The following FAXC variants were observed in gnomAD, a reference collection of about 807,000 sequenced individuals.
FAXC encodes failed axon connections homolog, metaxin like GST domain containing.
A neutral mutation model predicts 41.9 loss-of-function variants in FAXC; 10 were observed. The observed-to-expected ratio is 0.24, with a 90% CI of 0.15 to 0.41. FAXC has a LOEUF of 0.41. FAXC is among the 10% of genes least tolerant of loss of function. FAXC has a pLI of 1.00. For synonymous variants in FAXC, 183 were observed against 183.8 expected, an observed-to-expected ratio of 1.00 and a Z score of 0.03; for missense variants, 399 against 510.9, an observed-to-expected ratio of 0.78 and a Z score of 2.11.
intron 3 of FAXC, among the ~76,000 whole-genome samples, chr6:99,326,710 G>A (rs1772816706): frequency 6.6e-6 from 1 of 152,192 alleles, no homozygotes; most frequent in African/African-American, 2.4e-5. Context: ...AGATGTGAAG[G>A]CCAGGCTGAA....
At chr6:99,286,276 G>A (rs935303744) in intron 5 of FAXC, among the ~76,000 whole-genome samples, 5 of 152,082 alleles carry the variant, frequency 3.3e-5, no homozygotes, top group Non-Finnish European at 2.9e-5. Context: ...TTGTCTCCTC[G>A]AAGCTAAAAA....
intron 4 of FAXC, among the ~76,000 whole-genome samples, chr6:99,313,673 G>A (rs1450822268): frequency 1.3e-5 from 2 of 152,184 alleles, no homozygotes; most frequent in East Asian, 1.9e-4. Context: ...CACCTTTATG[G>A]TTTTATGTTT....
In FAXC at chr6:99,279,488, A is replaced by G. The variant is rs1770748113; in HGVS notation, c.*1676T>C. On this transcript the variant is annotated 3_prime_UTR_variant, in exon 6 of 6. Transcript: ENST00000389677. Reference sequence around the variant, plus strand: ...GTTTTTTTTTTTTCAAGTAAAGTGCATGGATTTCTCAGAAGTTGCTGTATT... The same window carrying G: ...GTTTTTTTTTTTTCAAGTAAAGTGCGTGGATTTCTCAGAAGTTGCTGTATT... The G allele has an allele frequency of 1.3e-5, 2 of 151,308 alleles. No homozygotes were observed. Among genetic ancestry groups the G allele is most frequent in the African/African-American group, 4.9e-5 (2 of 41,144 alleles). 9.4% of individuals were successfully genotyped at this position (151,308 alleles called of 1,614,324 possible). A position where few individuals can be genotyped will look rare whatever the true frequency, so the allele number is the denominator to read the frequency against.
rs1181275030 is a variant in FAXC at position 99,291,831 on chromosome 6, TAAAGC to T, written c.824-16_824-12del. 1 of 1,602,490 alleles carries T rather than the reference TAAAGC, an allele frequency of 6.2e-7. No individual in the cohort carries two copies. ...TGTACTTCTTATCACCTGCAGTAAATAAAGCAGAGAAGTCAATGGGCTGGCCCACA... is the reference window on the plus strand; with the variant it reads ...TGTACTTCTTATCACCTGCAGTAAATAGAGAAGTCAATGGGCTGGCCCACA... On this transcript the variant is annotated splice_polypyrimidine_tract_variant and intron_variant, in intron 4 of 5. Transcript: ENST00000389677.
intron 4 of FAXC, among the ~76,000 whole-genome samples, chr6:99,302,408 C>A (rs780056470): frequency 1.3e-5 from 2 of 152,232 alleles, no homozygotes; most frequent in African/African-American, 4.8e-5. Flanking sequence ...GTAATCCCAG[C>A]ACTTTGGGAG....
intron 2 of FAXC, among the ~76,000 whole-genome samples, chr6:99,335,031 A>C (rs1402110042): frequency 6.6e-6 from 1 of 152,178 alleles, no homozygotes; most frequent in East Asian, 1.9e-4. Flanking sequence ...TTTTAAAACA[A>C]ATCAGTTCAA....
chr6:99,313,207 C>T (rs1165104085), intron 4 of FAXC, among the ~76,000 whole-genome samples: 1 of 152,212 alleles, frequency 6.6e-6, no homozygotes, highest in Admixed American at 6.5e-5. Context: ...GCAGAAGGAT[C>T]GCTTGAGCCC....
chr6:99,323,502 G>T lies in FAXC; in HGVS notation c.765C>A (p.Ser255=). 1.2e-6 allele frequency: 2 copies of T among 1,614,170 alleles called. No homozygotes were observed. The highest frequency in any genetic ancestry group is 1.7e-6 in the Non-Finnish European group (2 of 1,180,046). Residue 255 remains serine, a synonymous_variant, in exon 4 of 6, where the codon TCC becomes TCA. Transcript: ENST00000389677. The part of the protein sequence containing the change: ...EMHGHGIGRF[S]EEEIYMLMEK... ...CCATCAGCATGTAAATCTCTTCCTC[G>T]GAGAAGCGGCCAATGCCGTGGCCGT...
intron 3 of FAXC, 68 bp from the exon 4 acceptor site, chr6:99,323,735 G>T: frequency 8.1e-7 from 1 of 1,230,594 alleles, no homozygotes. Context: ...GGTCACTTTA[G>T]AATGAGTCGT....
At chr6:99,301,600 G>A (rs1040733813) in intron 4 of FAXC, among the ~76,000 whole-genome samples, 10 of 152,200 alleles carry the variant, frequency 6.6e-5, no homozygotes, top group African/African-American at 2.4e-4. Flanking sequence ...CCTCTTGTGT[G>A]CCAAGCTCTG....
At chr6:99,329,503 T>C (rs940140504) in intron 3 of FAXC, among the ~76,000 whole-genome samples, 2 of 152,186 alleles carry the variant, frequency 1.3e-5, no homozygotes, top group South Asian at 2.1e-4. Context: ...TTTCTCTGCA[T>C]AGGGCTACAT....
At chr6:99,344,991 T>C (rs1773543767) in intron 1 of FAXC, among the ~76,000 whole-genome samples, 1 of 152,194 alleles carries the variant, frequency 6.6e-6, no homozygotes, top group South Asian at 2.1e-4. Flanking sequence ...AATGACACTT[T>C]AGAATGGGTA....
At position 99,338,600 on chromosome 6, in the gene FAXC, A is replaced by G. The variant is rs895560416; in HGVS notation, c.402+4298T>C. ...CAGGTTTTGGGCTCCCACTGCCCCA[A>G]AGCTGTCATGGCTAAGTGAGGCAAT... On this transcript the variant is annotated intron_variant, in intron 2 of 5. Transcript: ENST00000389677. Among the ~76,000 whole-genome samples, 5 of 152,318 alleles carry G rather than the reference A, an allele frequency of 3.3e-5. No homozygotes were observed. In the South Asian group the frequency reaches 8.3e-4, roughly 25 times the overall value.
chr6:99,281,287 G>C lies in FAXC; in HGVS notation c.1107C>G (p.Thr369=), dbSNP rs766698103. 10 of 1,614,156 alleles carry C rather than the reference G, an allele frequency of 6.2e-6. No homozygotes were observed. The highest frequency in any genetic ancestry group is 8.5e-6 in the Non-Finnish European group (10 of 1,180,034). ...TGTTTTCTGCTCCCTCATCTTCAAA[G>C]GTCTCTGTCCTTGAGTAAAAGCTAA... The part of the protein sequence containing the change: ...LDFSFYSRTE[T]FEDEGAENSF... Residue 369 remains threonine, a synonymous_variant, in exon 6 of 6, where the codon ACC becomes ACG. Transcript: ENST00000389677.
intron 5 of FAXC, among the ~76,000 whole-genome samples, chr6:99,283,838 T>A (rs1770920393): frequency 6.6e-6 from 1 of 152,188 alleles, no homozygotes; most frequent in African/African-American, 2.4e-5. Context: ...ACAGCCCTGT[T>A]TGACTCAATC....
rs374342364 is a variant in FAXC, at chr6:99,323,369, T to C, written c.823+75A>G. ...CAACCAAAATTAAAACATAAATTAGTGAACCAACAGTGTTTTACTAATCAT... is the reference window on the plus strand; with the variant it reads ...CAACCAAAATTAAAACATAAATTAGCGAACCAACAGTGTTTTACTAATCAT... On this transcript the variant is annotated intron_variant, in intron 4 of 5. Coordinates refer to ENST00000389677, the MANE Select transcript of FAXC (RefSeq NM_032511.4). 2.1e-5 allele frequency: 27 copies of C among 1,294,118 alleles called. No homozygotes were observed. The East Asian group carries it at 6.1e-4, about 29-fold the overall frequency. The allele number at this position is 1,294,118 out of a possible 1,614,324, so 80.2% of individuals were successfully genotyped here.
chr6:99,334,941 C>A (rs1020612089), intron 2 of FAXC, among the ~76,000 whole-genome samples: 7 of 152,128 alleles, frequency 4.6e-5, no homozygotes, highest in Non-Finnish European at 1.0e-4. Flanking sequence ...AGGTGTTTGC[C>A]CACCTCCCTG....
chr6:99,344,100 C>T (rs1773512962), intron 1 of FAXC, among the ~76,000 whole-genome samples: 1 of 152,162 alleles, frequency 6.6e-6, no homozygotes, highest in Admixed American at 6.5e-5. Flanking sequence ...ATCTCTCCAC[C>T]ATCTTCACCT....
At chr6:99,288,432 G>C (rs1771103414) in intron 5 of FAXC, among the ~76,000 whole-genome samples, 1 of 152,038 alleles carries the variant, frequency 6.6e-6, no homozygotes, top group Non-Finnish European at 1.5e-5. Flanking sequence ...AGAACGGAGG[G>C]AATAAAGTAG....
Sources: gnomAD v4.1 joint callset for allele counts (sites outside exome capture counted in the v4.1 genomes callset) on GRCh38, gnomAD v4.1.1 for gene constraint, MANE v1.5 for transcripts, NCBI Gene and HGNC (gene_info 2026-07-23, HGNC 2026-07-21) for gene names.